SPAG17: variants seen among roughly 807,000 people sequenced by gnomAD.
The protein encoded by SPAG17 is sperm associated antigen 17.
SPAG17 carries 169 observed loss-of-function variants against 273.6 expected under a neutral mutation model. The ratio of observed to expected loss-of-function variants is 0.62; its 90% confidence interval spans 0.55 to 0.70. The LOEUF (loss-of-function observed/expected upper bound fraction) is 0.70. Ranked by LOEUF, SPAG17 falls within the 30% of genes least tolerant of loss-of-function variation. The pLI is 0.00. For synonymous variants in SPAG17, 825 were observed against 873.2 expected (o/e 0.94, Z 0.97); for missense variants, 2,557 against 2,627.8 (o/e 0.97, Z 0.59).
intron 3 of SPAG17, among the ~76,000 whole-genome samples, chr1:118,139,491 T>C (rs945812057): frequency 6.6e-6 from 1 of 152,170 alleles, no homozygotes; most frequent in Non-Finnish European, 1.5e-5. Flanking sequence ...GAAATCAACT[T>C]GTTAAAGAGG....
Position 118,081,109 on chromosome 1 carries a change from T to G in SPAG17, c.2201A>C (p.Glu734Ala). 1 of 1,611,870 alleles carries G rather than the reference T, an allele frequency of 6.2e-7. No individual in the cohort carries two copies. Reference sequence around the variant, plus strand: ...CACACACTTTAACTTACCCAGAGACTCATGTTGGGGCTGAGCCTTCATGAT... The same window carrying G: ...CACACACTTTAACTTACCCAGAGACGCATGTTGGGGCTGAGCCTTCATGAT... ...ESIMKAQPQHESLEQTTNNEI... is the reference protein window; with the variant it reads ...ESIMKAQPQHASLEQTTNNEI... Residue 734 changes from glutamate to alanine, a missense_variant, in exon 15 of 49, where the codon GAG becomes GCG. Physicochemically the swap from Glu to Ala is moderately radical, Grantham distance 107 (BLOSUM62 -1). Transcript: ENST00000336338.
intron 3 of SPAG17, among the ~76,000 whole-genome samples, chr1:118,120,271 T>A (rs949105185): frequency 5.9e-4 from 80 of 134,890 alleles, no homozygotes; most frequent in African/African-American, 2.2e-3. Context: ...ACTTTAATAT[T>A]GCTAGTGAGA....
Position 117,988,140 on chromosome 1 carries a change from G to A in SPAG17, c.5586C>T (p.Asp1862=), listed in dbSNP as rs748943399. ...TTTCAAAGAAATCTTTACCAAATGT[G>A]TCTGGTGGGCATTTTGGAGGCGTAG... is the stretch of plus-strand genomic sequence containing the variant. ...SLATPPKCPP[D]TFGKDFFEKT... Residue 1862 remains aspartate, a synonymous_variant, in exon 39 of 49, where the codon GAC becomes GAT. Transcript: ENST00000336338. The A allele has an allele frequency of 7.4e-5, 119 of 1,608,236 alleles. No homozygotes were observed. The highest frequency in any genetic ancestry group is 1.5e-4 in the Admixed American group (9 of 58,592).
At chr1:118,096,876 A>G (rs527401740) in intron 7 of SPAG17, among the ~76,000 whole-genome samples, 162 of 152,264 alleles carry the variant, frequency 1.1e-3, no homozygotes, top group Admixed American at 1.8e-3. Flanking sequence ...GAAATGCCTG[A>G]TAACTACAGG....
At chr1:117,995,573 C>T (rs1036957533) in intron 34 of SPAG17, among the ~76,000 whole-genome samples, 7 of 151,876 alleles carry the variant, frequency 4.6e-5, no homozygotes, top group South Asian at 2.1e-4. Flanking sequence ...TCACAAAGAG[C>T]AAGGTGTATT....
intron 32 of SPAG17, among the ~76,000 whole-genome samples, chr1:118,002,217 T>A (rs1658363725): frequency 6.6e-6 from 1 of 152,220 alleles, no homozygotes; most frequent in Non-Finnish European, 1.5e-5. Context: ...TTCTTTAACA[T>A]TTGCTGAGGA....
chr1:117,977,117 C>T (rs1446089360), intron 43 of SPAG17, among the ~76,000 whole-genome samples: 2 of 150,850 alleles, frequency 1.3e-5, no homozygotes, highest in African/African-American at 4.9e-5. Context: ...CGAGACCAGA[C>T]TGGCCAACAT....
At chr1:118,113,532 A>C (rs1323347179) in intron 4 of SPAG17, among the ~76,000 whole-genome samples, 1 of 152,108 alleles carries the variant, frequency 6.6e-6, no homozygotes, top group Non-Finnish European at 1.5e-5. Flanking sequence ...AGTTTTCATC[A>C]ATTTATTTAG....
chr1:118,040,353 A>AC (rs1649592986), intron 22 of SPAG17, among the ~76,000 whole-genome samples: 1 of 152,318 alleles, frequency 6.6e-6, no homozygotes, highest in East Asian at 1.9e-4. Context: ...CCAGAGCTAC[A>AC]CCAGAAAAAT....
intron 3 of SPAG17, among the ~76,000 whole-genome samples, chr1:118,148,250 C>T (rs1416058835): frequency 1.3e-5 from 2 of 152,114 alleles, no homozygotes; most frequent in African/African-American, 2.4e-5. Context: ...GTGGGTTCCT[C>T]GTCTCACTGA....
chr1:118,161,561 G>C (rs987559633), intron 1 of SPAG17, among the ~76,000 whole-genome samples: 1 of 151,534 alleles, frequency 6.6e-6, no homozygotes, highest in African/African-American at 2.4e-5. Context: ...TTTTTTAGAC[G>C]TAGTCTCGCT....
At chr1:118,051,340 T>C (rs1650981559) in intron 20 of SPAG17, among the ~76,000 whole-genome samples, 1 of 152,072 alleles carries the variant, frequency 6.6e-6, no homozygotes, top group Admixed American at 6.6e-5. Flanking sequence ...TGGCGGCTTC[T>C]CAAAAATTAG....
At chr1:118,151,520 G>A in intron 1 of SPAG17, 151 bp from the exon 2 acceptor site, 1 of 776,532 alleles carries the variant, frequency 1.3e-6, no homozygotes, top group Non-Finnish European at 1.8e-6. Context: ...TCTGATTGAA[G>A]TAGCCGCAAG....
chr1:118,062,345 C>T (rs1262675383), intron 18 of SPAG17, among the ~76,000 whole-genome samples: 2 of 100,776 alleles, frequency 2.0e-5, no homozygotes, highest in African/African-American at 4.5e-5. Context: ...CCAGCCTGGG[C>T]GACAGAGCGA....
chr1:117,955,376 C>T lies in SPAG17; in HGVS notation c.*1-1327G>A, dbSNP rs367941021. 100 of 1,609,394 alleles carry T rather than the reference C, an allele frequency of 6.2e-5. No individual in the cohort carries two copies. In the African/African-American group the frequency reaches 1.2e-3, roughly 19 times the overall value. ...AAGTCGAGGTGAGTGAGTCCTTGCGCACAATTTTTGTAATCTGTCAGCAAA... is the reference window on the plus strand; with the variant it reads ...AAGTCGAGGTGAGTGAGTCCTTGCGTACAATTTTTGTAATCTGTCAGCAAA... On this transcript the variant is annotated intron_variant, in intron 48 of 48. Coordinates refer to ENST00000336338, the MANE Select transcript of SPAG17 (RefSeq NM_206996.4).
chr1:118,020,301 GCACGTGCCTGTAATCCCAGCCA>G (rs1660375748), intron 28 of SPAG17, among the ~76,000 whole-genome samples: 1 of 152,146 alleles, frequency 6.6e-6, no homozygotes, highest in Non-Finnish European at 1.5e-5. Context: ...AGCTTTGATG[GCACGTGCCTGTAATCCCAGCCA>G]CTTGGGAGGC....
intron 1 of SPAG17, among the ~76,000 whole-genome samples, chr1:118,165,518 A>G (rs1243267013): frequency 1.3e-5 from 2 of 151,746 alleles, no homozygotes; most frequent in South Asian, 2.1e-4. Context: ...CATTTTTCAC[A>G]TATTTTCTTA....
intron 18 of SPAG17, among the ~76,000 whole-genome samples, chr1:118,062,756 T>C (rs1428880691): frequency 6.6e-6 from 1 of 152,122 alleles, no homozygotes; most frequent in Non-Finnish European, 1.5e-5. Context: ...TTGTGGAAGA[T>C]TTAAAAAATA....
chr1:117,962,891 T>C (rs1424015862), intron 48 of SPAG17: 2 of 152,262 alleles, frequency 1.3e-5, no homozygotes, highest in Non-Finnish European at 2.9e-5. Context: ...CAGGCCAGAT[T>C]AGTCTTCAGA....
Sources: allele counts gnomAD v4.1 joint callset (sites outside exome capture counted in the v4.1 genomes callset), GRCh38; gene constraint gnomAD v4.1.1; transcripts MANE v1.5; gene names NCBI Gene and HGNC (gene_info 2026-07-23, HGNC 2026-07-21).